SRPK2: variants seen among roughly 807,000 people sequenced by gnomAD.
SRPK2 encodes SRSF protein kinase 2, also known as SFRS protein kinase 2.
In SRPK2, 21 loss-of-function variants were observed where a neutral mutation model predicts 90.8. The ratio of observed to expected loss-of-function variants is 0.23; its 90% CI spans 0.16 to 0.33. The LOEUF (loss-of-function observed/expected upper bound fraction) is 0.33. SRPK2 is among the 10% of genes least tolerant of loss of function. The pLI is 1.00. For synonymous variants in SRPK2, 288 were observed against 311.1 expected (o/e 0.93, Z 0.78); for missense variants, 620 against 869.0 (o/e 0.71, Z 3.60).
At chr7:105,273,752 G>A (rs1371752013) in intron 2 of SRPK2, among the ~76,000 whole-genome samples, 1 of 152,066 alleles carries the variant, frequency 6.6e-6, no homozygotes, top group African/African-American at 2.4e-5. Context: ...CTTCCCTAAC[G>A]ACAGGCACCT....
At chr7:105,129,172 G>A (rs1003614611) in intron 13 of SRPK2, among the ~76,000 whole-genome samples, 1 of 152,024 alleles carries the variant, frequency 6.6e-6, no homozygotes, top group Non-Finnish European at 1.5e-5. Context: ...CTGACCTCGT[G>A]ACCCGCCTGC....
chr7:105,138,736 T>G (rs1312909794), intron 11 of SRPK2, among the ~76,000 whole-genome samples: 4 of 152,138 alleles, frequency 2.6e-5, no homozygotes, highest in Admixed American at 1.3e-4. Flanking sequence ...AAAGCAGAGG[T>G]TGCAGTGAAC....
At chr7:105,357,317 G>A (rs796309977) in intron 2 of SRPK2, among the ~76,000 whole-genome samples, 9 of 152,274 alleles carry the variant, frequency 5.9e-5, no homozygotes, top group African/African-American at 2.2e-4. Flanking sequence ...GCGATTACAG[G>A]CGTGAGCCAC....
chr7:105,281,535 C>T (rs571043524), intron 2 of SRPK2, among the ~76,000 whole-genome samples: 2 of 152,278 alleles, frequency 1.3e-5, no homozygotes, highest in South Asian at 4.1e-4. Flanking sequence ...TGCCTGCAGT[C>T]CTAGCTACGT....
At chr7:105,231,473 T>C (rs1250681850) in intron 2 of SRPK2, among the ~76,000 whole-genome samples, 1 of 152,322 alleles carries the variant, frequency 6.6e-6, no homozygotes, top group South Asian at 2.1e-4. Flanking sequence ...TGTTTTTAGC[T>C]CTTTGAGGGA....
At chr7:105,230,182 T>C (rs1799248198) in intron 2 of SRPK2, among the ~76,000 whole-genome samples, 1 of 152,082 alleles carries the variant, frequency 6.6e-6, no homozygotes, top group Admixed American at 6.5e-5. Context: ...AGTCCTTTAA[T>C]AAAACAGAAA....
chr7:105,269,465 A>C (rs1290498062), intron 2 of SRPK2, among the ~76,000 whole-genome samples: 1 of 152,208 alleles, frequency 6.6e-6, no homozygotes, highest in Non-Finnish European at 1.5e-5. Flanking sequence ...ACTCCTCTAG[A>C]AAGAGACTTC....
At chr7:105,382,998 ACT>A (rs1821120001) in intron 2 of SRPK2, among the ~76,000 whole-genome samples, 1 of 150,446 alleles carries the variant, frequency 6.6e-6, no homozygotes, top group South Asian at 2.1e-4. Context: ...TACACAAAGA[ACT>A]CTGTACCACT....
chr7:105,163,627 T>A (rs1053395591), intron 6 of SRPK2, among the ~76,000 whole-genome samples: 1 of 151,932 alleles, frequency 6.6e-6, no homozygotes, highest in Non-Finnish European at 1.5e-5. Flanking sequence ...AAATCCCGTC[T>A]CTAAAAAAAT....
intron 3 of SRPK2, among the ~76,000 whole-genome samples, chr7:105,175,628 A>C (rs995178993): frequency 2.6e-5 from 4 of 152,174 alleles, no homozygotes; most frequent in African/African-American, 9.6e-5. Flanking sequence ...ATTTCGGGCC[A>C]GGCAGATTGG....
chr7:105,324,386 G>C (rs906809739), intron 2 of SRPK2, among the ~76,000 whole-genome samples: 1 of 151,432 alleles, frequency 6.6e-6, no homozygotes, highest in Non-Finnish European at 1.5e-5. Flanking sequence ...GCAATGGCGC[G>C]ATCTCAGCTC....
chr7:105,394,773 C>T (rs1030982554), intron 1 of SRPK2, among the ~76,000 whole-genome samples: 2 of 152,150 alleles, frequency 1.3e-5, no homozygotes, highest in Non-Finnish European at 2.9e-5. Flanking sequence ...AATGTCCCTG[C>T]CTTCATGGAG....
intron 2 of SRPK2, among the ~76,000 whole-genome samples, chr7:105,256,597 A>C (rs1393652967): frequency 1.3e-5 from 2 of 152,124 alleles, no homozygotes; most frequent in East Asian, 3.9e-4. Context: ...GCCTCAAGCA[A>C]TCCTCCCACT....
intron 2 of SRPK2, among the ~76,000 whole-genome samples, chr7:105,375,052 T>A (rs1051826051): frequency 1.3e-5 from 2 of 152,180 alleles, no homozygotes; most frequent in Admixed American, 6.6e-5. Flanking sequence ...CAACATCCTA[T>A]CTGTGCATAT....
upstream of SRPK2, chr7:105,389,479 C>A: frequency 9.1e-7 from 1 of 1,103,286 alleles, no homozygotes; most frequent in Non-Finnish European, 1.1e-6. Flanking sequence ...ATTTTCTCTC[C>A]CACCTCTAAG....
intron 2 of SRPK2, chr7:105,206,364 T>A (rs1050944151): frequency 1.1e-5 from 2 of 186,432 alleles, no homozygotes; most frequent in African/African-American, 4.7e-5. Context: ...TTCCCGCACC[T>A]TCATTATAAT....
intron 2 of SRPK2, among the ~76,000 whole-genome samples, chr7:105,364,693 C>T (rs1302606936): frequency 5.9e-5 from 9 of 152,160 alleles, no homozygotes; most frequent in Admixed American, 1.3e-4. Context: ...AGAGCCACCG[C>T]GCCTGGCCGA....
At chr7:105,193,281 C>T (rs778974753) in intron 3 of SRPK2, among the ~76,000 whole-genome samples, 1 of 152,176 alleles carries the variant, frequency 6.6e-6, no homozygotes, top group African/African-American at 2.4e-5. Flanking sequence ...TTCCCAGCAC[C>T]ATTTGTTGAA....
chr7:105,139,778 C>T (rs1350536471), intron 11 of SRPK2, among the ~76,000 whole-genome samples: 3 of 152,290 alleles, frequency 2.0e-5, no homozygotes, highest in Admixed American at 1.3e-4. Flanking sequence ...GTGCTACTAA[C>T]AACCTTAGAG....
Sources: allele counts gnomAD v4.1 joint callset (sites outside exome capture counted in the v4.1 genomes callset), GRCh38; gene constraint gnomAD v4.1.1; transcripts MANE v1.5; gene names NCBI Gene and HGNC (gene_info 2026-07-23, HGNC 2026-07-21).